PSD3: variants seen among roughly 807,000 people sequenced by gnomAD.
PSD3 encodes the protein pleckstrin and Sec7 domain containing 3.
A neutral mutation model predicts 105.5 loss-of-function variants in PSD3; 49 were observed. The ratio of observed to expected loss-of-function variants is 0.46; its 90% CI spans 0.37 to 0.59. PSD3 has a LOEUF of 0.59. Among genes scored for constraint, PSD3 ranks in the 20% least tolerant of loss-of-function variants. PSD3 has a pLI of 0.00. For synonymous variants in PSD3, 557 were observed against 457.8 expected (o/e 1.22, Z -2.77); for missense variants, 1,561 against 1,263.8 (o/e 1.24, Z -3.57).
intron 9 of PSD3, among the ~76,000 whole-genome samples, chr8:18,732,507 CTGGGGCT>C (rs1268952023): frequency 6.6e-6 from 1 of 152,236 alleles, no homozygotes; most frequent in African/African-American, 2.4e-5. Context: ...CCGAGCTGAC[CTGGGGCT>C]GGAGGATCCA....
intron 1 of PSD3, among the ~76,000 whole-genome samples, chr8:18,968,662 G>A (rs939371943): frequency 2.0e-5 from 3 of 152,032 alleles, no homozygotes; most frequent in Non-Finnish European, 2.9e-5. Context: ...AGATCACGAG[G>A]TCAGGAGTTT....
In PSD3 at chr8:18,804,520, A is replaced by G. The variant is rs769198265; in HGVS notation, c.1910+2T>C. 1 of 1,601,544 alleles carries G rather than the reference A, an allele frequency of 6.2e-7. No individual in the cohort carries two copies. The highest frequency in any genetic ancestry group is 2.2e-5 in the East Asian group (1 of 44,840). ...ACGAGCAGCAAGGAGGCTTAGTCAT[A>G]CCTGAGTGACTGATCCAGCGTCATT... On this transcript the variant is annotated splice_donor_variant, in intron 6 of 15. Transcript: ENST00000327040. LOFTEE classifies it high-confidence loss of function.
At chr8:18,661,698 T>G (rs573023718) in intron 9 of PSD3, among the ~76,000 whole-genome samples, 2 of 152,300 alleles carry the variant, frequency 1.3e-5, no homozygotes, top group East Asian at 3.9e-4. Flanking sequence ...TTATGACTTT[T>G]TTTTCTTAAG....
intron 1 of PSD3, among the ~76,000 whole-genome samples, chr8:19,083,491 C>G (rs886909052): frequency 2.6e-5 from 4 of 152,172 alleles, no homozygotes; most frequent in Non-Finnish European, 4.4e-5. Context: ...GCTGCCTTTC[C>G]CTTCCTGATG....
chr8:19,046,944 G>A (rs1828339767), intron 1 of PSD3, among the ~76,000 whole-genome samples: 1 of 152,188 alleles, frequency 6.6e-6, no homozygotes, highest in African/African-American at 2.4e-5. Context: ...ATCAAGAGTG[G>A]GTTGTACCAT....
At chr8:18,731,579 A>C (rs1377805209) in intron 9 of PSD3, among the ~76,000 whole-genome samples, 4 of 152,206 alleles carry the variant, frequency 2.6e-5, no homozygotes, top group Non-Finnish European at 5.9e-5. Context: ...AGAAACAATA[A>C]ATCTTTTAAG....
intron 9 of PSD3, among the ~76,000 whole-genome samples, chr8:18,755,288 G>A (rs1399091183): frequency 6.6e-6 from 1 of 152,000 alleles, no homozygotes; most frequent in Non-Finnish European, 1.5e-5. Flanking sequence ...AAATTAGCCA[G>A]GCGTGGTGGC....
rs916423761 is a variant in PSD3 at position 19,068,836 on chromosome 8, G to A, written c.324+15370C>T. 2.8e-4 allele frequency among the ~76,000 whole-genome samples: 43 copies of A among 151,776 alleles called. 1 individual carries two copies. The highest frequency in any genetic ancestry group is 4.8e-5 in the African/African-American group (2 of 41,302). The stretch of plus-strand genomic sequence containing the variant: ...TGCGATGTACAGGCCATCTGCAGTT[G>A]GGCTGGCTCTGACTGTGTGAAAAAT... On this transcript the variant is annotated intron_variant, in intron 1 of 1. Transcript: ENST00000521475.
At position 19,081,782 on chromosome 8, in the gene PSD3, G is replaced by C. The variant is rs568237116; in HGVS notation, c.324+2424C>G. On this transcript the variant is annotated intron_variant, in intron 1 of 1. Coordinates refer to the PSD3 transcript ENST00000521475. ...CTGAGAGAATAAATTCAGCCATTTT[G>C]AATCCTGCAAAGAAGAAAGTTTACT... is the stretch of plus-strand genomic sequence containing the variant. 3.3e-5 allele frequency among the ~76,000 whole-genome samples: 5 copies of C among 152,216 alleles called. No individual in the cohort carries two copies. The East Asian group carries it at 9.7e-4, about 29-fold the overall frequency.
Position 19,078,081 on chromosome 8 carries a change from A to G in PSD3, c.324+6125T>C, listed in dbSNP as rs185938623. On this transcript the variant is annotated intron_variant, in intron 1 of 1. Coordinates refer to the PSD3 transcript ENST00000521475. The stretch of plus-strand genomic sequence containing the variant: ...AGTCTTGCTCCGTTGCCCAGGCTGG[A>G]GTAGAGTGGCACAGTCACAACTCGC... Among the ~76,000 whole-genome samples the G allele has an allele frequency of 7.8e-3, 1,183 of 152,230 alleles. 18 individuals are homozygous for G. The highest frequency in any genetic ancestry group is 0.028 in the African/African-American group (1,146 of 41,532).
At chr8:18,793,471 T>G (rs373581507) in intron 8 of PSD3, among the ~76,000 whole-genome samples, 1 of 149,784 alleles carries the variant, frequency 6.7e-6, no homozygotes, top group Non-Finnish European at 1.5e-5. Context: ...ATCCTGCACA[T>G]AGACCCCTGA....
At position 18,632,850 on chromosome 8, in the gene PSD3, A is replaced by G. The variant is rs373907809; in HGVS notation, c.2217-44T>C. The G allele has an allele frequency of 3.4e-5, 48 of 1,400,112 alleles. 1 individual carries two copies. The African/African-American group carries it at 6.2e-4, about 18-fold the overall frequency. 86.7% of individuals were successfully genotyped at this position (1,400,112 alleles called of 1,614,324 possible). On this transcript the variant is annotated intron_variant, in intron 10 of 15. Coordinates refer to ENST00000327040, the MANE Select transcript of PSD3 (RefSeq NM_015310.4). ...AAAGACTGAGTCAAGCACCTATCAT[A>G]ATATTCAAAGAAAAAGGTAAGTTAT...
chr8:18,718,419 A>G lies in PSD3; in HGVS notation c.2172+47030T>C, dbSNP rs78801761. 7.6e-3 allele frequency among the ~76,000 whole-genome samples: 1,155 copies of G among 152,366 alleles called. 8 individuals carry two copies. The highest frequency in any genetic ancestry group is 0.023 in the South Asian group (111 of 4,830). On this transcript the variant is annotated intron_variant, in intron 9 of 15. Transcript: ENST00000327040. ...TTTGGTTTGTTTGTTCTTGCAGTGA[A>G]GTAGGCAGAGACAGGGATTACAAAG...
chr8:18,691,143 A>G (rs566272523), intron 9 of PSD3, among the ~76,000 whole-genome samples: 4 of 152,084 alleles, frequency 2.6e-5, no homozygotes, highest in African/African-American at 4.8e-5. Flanking sequence ...GGATGGGGGG[A>G]AAAATCTTTA....
intron 1 of PSD3, among the ~76,000 whole-genome samples, chr8:19,031,306 A>G (rs1827762195): frequency 6.6e-6 from 1 of 152,206 alleles, no homozygotes; most frequent in Non-Finnish European, 1.5e-5. Flanking sequence ...AGCACAAACT[A>G]CACTCAATCA....
chr8:18,641,515 A>G lies in PSD3; in HGVS notation c.2217-8709T>C, dbSNP rs1807640798. Reference sequence around the variant, plus strand: ...AGCAGTACAGGATCAGAGAGGAGGGAAGAGTCTGTATCAAACATGCTAAAT... The same window carrying G: ...AGCAGTACAGGATCAGAGAGGAGGGGAGAGTCTGTATCAAACATGCTAAAT... On this transcript the variant is annotated intron_variant, in intron 10 of 15. Transcript: ENST00000327040. Among the ~76,000 whole-genome samples, 3 of 152,298 alleles carry G rather than the reference A, an allele frequency of 2.0e-5. No homozygotes were observed. The South Asian group carries it at 6.2e-4, about 32-fold the overall frequency.
intron 1 of PSD3, among the ~76,000 whole-genome samples, chr8:19,002,480 T>C (rs1380945633): frequency 6.6e-6 from 1 of 152,036 alleles, no homozygotes; most frequent in African/African-American, 2.4e-5. Context: ...TACTGAAGAG[T>C]ACCATCAAGA....
intron 2 of PSD3, among the ~76,000 whole-genome samples, chr8:18,922,264 T>C (rs1226792056): frequency 2.0e-5 from 3 of 151,990 alleles, no homozygotes; most frequent in African/African-American, 7.3e-5. Context: ...ACCCAAAGAG[T>C]TCTGTAAGTC....
At chr8:18,684,024 T>C (rs1800522419) in intron 9 of PSD3, 1 of 677,012 alleles carries the variant, frequency 1.5e-6, no homozygotes, top group Admixed American at 2.1e-5. Flanking sequence ...CTCTGCGGGG[T>C]TGTGCCTGAG....
Sources: allele counts gnomAD v4.1 joint callset (sites outside exome capture counted in the v4.1 genomes callset), GRCh38; gene constraint gnomAD v4.1.1; transcripts MANE v1.5; gene names NCBI Gene and HGNC (gene_info 2026-07-23, HGNC 2026-07-21).